GALNT10: variants seen among roughly 807,000 people sequenced by gnomAD.
The protein encoded by GALNT10 is polypeptide N-acetylgalactosaminyltransferase 10.
In GALNT10, 41 loss-of-function variants were observed where a neutral mutation model predicts 75.0. The observed-to-expected ratio is 0.55, with a 90% CI of 0.43 to 0.71. The LOEUF (loss-of-function observed/expected upper bound fraction) is 0.71, where lower values mean the gene tolerates loss of function less well. Ranked by LOEUF, GALNT10 falls within the 30% of genes least tolerant of loss-of-function variation. The pLI, the probability that GALNT10 is intolerant of heterozygous loss-of-function variation, is 0.00. For synonymous variants in GALNT10, 302 were observed against 313.0 expected (o/e 0.96, Z 0.37); for missense variants, 727 against 818.5 (o/e 0.89, Z 1.36).
intron 4 of GALNT10, among the ~76,000 whole-genome samples, chr5:154,331,032 G>A (rs184727086): frequency 1.3e-5 from 2 of 151,812 alleles, no homozygotes; most frequent in East Asian, 3.9e-4. Context: ...TACCCTTTAC[G>A]TTTCCTTCCT....
At chr5:154,328,853 G>A (rs1690932148) in intron 3 of GALNT10, among the ~76,000 whole-genome samples, 1 of 152,200 alleles carries the variant, frequency 6.6e-6, no homozygotes, top group African/African-American at 2.4e-5. Context: ...ACAGCCAGAT[G>A]AAGAGCTGCA....
At chr5:154,357,934 G>A (rs573480949) in intron 4 of GALNT10, among the ~76,000 whole-genome samples, 4 of 152,320 alleles carry the variant, frequency 2.6e-5, no homozygotes, top group African/African-American at 7.2e-5. Context: ...CAACTGCGTG[G>A]AAGAGAGGGC....
chr5:154,343,338 G>T (rs1470005575), intron 4 of GALNT10, among the ~76,000 whole-genome samples: 1 of 152,184 alleles, frequency 6.6e-6, no homozygotes, highest in African/African-American at 2.4e-5. Context: ...CCAGAGAGGG[G>T]AAAGCTCTCC....
Position 154,205,227 on chromosome 5 carries a change from G to A in GALNT10, c.159+14202G>A, listed in dbSNP as rs146020139. On this transcript the variant is annotated intron_variant, in intron 1 of 11. Transcript: ENST00000297107. ...CCTAAGGCAACAGTCAAAGGACACC[G>A]TTTCTCTTGAGATCTTTTAATCAGA... 2.4e-4 allele frequency among the ~76,000 whole-genome samples: 36 copies of A among 152,316 alleles called. No homozygotes were observed. The East Asian group carries it at 2.5e-3, about 11-fold the overall frequency.
At chr5:154,265,911 A>AG (rs1180012763) in intron 1 of GALNT10, among the ~76,000 whole-genome samples, 1 of 151,764 alleles carries the variant, frequency 6.6e-6, no homozygotes, top group Admixed American at 6.6e-5. Flanking sequence ...CATTAAAAAA[A>AG]AAAATGTTGC....
intron 4 of GALNT10, among the ~76,000 whole-genome samples, chr5:154,365,796 T>A (rs1238674937): frequency 1.3e-5 from 2 of 152,160 alleles, no homozygotes; most frequent in African/African-American, 4.8e-5. Context: ...TTTTCTAAAT[T>A]TTCCCCCCAG....
chr5:154,385,124 C>T (rs2113183789), intron 6 of GALNT10, among the ~76,000 whole-genome samples: 1 of 152,188 alleles, frequency 6.6e-6, no homozygotes, highest in Middle Eastern at 3.4e-3. Context: ...CTTCCAGGGA[C>T]CAGGAGGGGG....
At chr5:154,340,690 C>T (rs946184922) in intron 4 of GALNT10, among the ~76,000 whole-genome samples, 1 of 152,200 alleles carries the variant, frequency 6.6e-6, no homozygotes, top group Non-Finnish European at 1.5e-5. Flanking sequence ...AACAGAGATA[C>T]TTCAGAGCTT....
chr5:154,259,380 T>C (rs981403370), intron 1 of GALNT10, among the ~76,000 whole-genome samples: 9 of 152,222 alleles, frequency 5.9e-5, no homozygotes, highest in African/African-American at 1.9e-4. Context: ...GGCATAGTCC[T>C]GACATCTTAT....
intron 7 of GALNT10, among the ~76,000 whole-genome samples, chr5:154,390,047 A>G (rs1291257525): frequency 6.6e-6 from 1 of 152,198 alleles, no homozygotes; most frequent in Non-Finnish European, 1.5e-5. Context: ...CTTCCTAAAC[A>G]AGAGCCCTTC....
At chr5:154,263,784 A>G (rs1043851509) in intron 1 of GALNT10, among the ~76,000 whole-genome samples, 8 of 152,148 alleles carry the variant, frequency 5.3e-5, no homozygotes, top group African/African-American at 1.7e-4. Context: ...TCACTCCCAA[A>G]GGCCCTACCT....
chr5:154,322,178 G>A (rs902265175), intron 3 of GALNT10, among the ~76,000 whole-genome samples: 1 of 152,132 alleles, frequency 6.6e-6, no homozygotes, highest in African/African-American at 2.4e-5. Context: ...CAGTGGCAGG[G>A]TTACCTTCCT....
chr5:154,243,769 T>C (rs1218347656), intron 1 of GALNT10, among the ~76,000 whole-genome samples: 3 of 152,248 alleles, frequency 2.0e-5, no homozygotes, highest in Non-Finnish European at 2.9e-5. Context: ...GGAGTATTGC[T>C]GTCTAAAGGC....
At chr5:154,301,904 A>G (rs569735446) in intron 3 of GALNT10, among the ~76,000 whole-genome samples, 2 of 151,878 alleles carry the variant, frequency 1.3e-5, no homozygotes, top group Non-Finnish European at 2.9e-5. Flanking sequence ...TCACCAGCCC[A>G]CCCACCCAGC....
At chr5:154,306,770 G>T (rs1191223736) in intron 3 of GALNT10, among the ~76,000 whole-genome samples, 1 of 151,842 alleles carries the variant, frequency 6.6e-6, no homozygotes, top group Non-Finnish European at 1.5e-5. Flanking sequence ...AATTTAAAAA[G>T]CCACAATTAT....
At chr5:154,227,858 T>C (rs568229071) in intron 1 of GALNT10, among the ~76,000 whole-genome samples, 17 of 152,294 alleles carry the variant, frequency 1.1e-4, no homozygotes, top group Non-Finnish European at 2.2e-4. Context: ...ATAGTTTGGA[T>C]ATCTGTCTCC....
intron 4 of GALNT10, among the ~76,000 whole-genome samples, chr5:154,339,560 T>G (rs2113129173): frequency 6.6e-6 from 1 of 150,954 alleles, no homozygotes; most frequent in Non-Finnish European, 1.5e-5. Flanking sequence ...AATGATTTAC[T>G]GGGAGAGCAA....
At chr5:154,342,571 A>G (rs535311533) in intron 4 of GALNT10, among the ~76,000 whole-genome samples, 1 of 152,330 alleles carries the variant, frequency 6.6e-6, no homozygotes, top group African/African-American at 2.4e-5. Context: ...TGGAAAACAC[A>G]GGATTCCAGG....
At position 154,334,174 on chromosome 5, in the gene GALNT10, T is replaced by C. The variant is rs565972057; in HGVS notation, c.568+4436T>C. Among the ~76,000 whole-genome samples the C allele has an allele frequency of 4.7e-4, 71 of 152,364 alleles. 1 individual carries two copies. The highest frequency in any genetic ancestry group is 1.7e-3 in the East Asian group (9 of 5,190). On this transcript the variant is annotated intron_variant, in intron 4 of 11. Coordinates refer to ENST00000297107, the MANE Select transcript of GALNT10 (RefSeq NM_198321.4). ...CCTCCAGGATCCTCAGGGCAACTAATTGTAATTCAGCTAAGGGTCGAGACC... is the reference window on the plus strand; with the variant it reads ...CCTCCAGGATCCTCAGGGCAACTAACTGTAATTCAGCTAAGGGTCGAGACC...
Sources: gnomAD v4.1 joint callset for allele counts (sites outside exome capture counted in the v4.1 genomes callset) on GRCh38, gnomAD v4.1.1 for gene constraint, MANE v1.5 for transcripts, NCBI Gene and HGNC (gene_info 2026-07-23, HGNC 2026-07-21) for gene names.